CCNH: variants seen among roughly 807,000 people sequenced by gnomAD.
The protein encoded by CCNH is cyclin-H.
Under a neutral mutation model 41.9 loss-of-function variants are expected in CCNH, and 31 were observed. That is an observed-to-expected ratio of 0.74 (90% CI 0.56 to 1.00). CCNH has a LOEUF of 1.00. Ranked by LOEUF, CCNH falls within the 50% of genes least tolerant of loss-of-function variation. The pLI is 0.00. For synonymous variants in CCNH, 138 were observed against 136.1 expected (o/e 1.01, Z -0.10); for missense variants, 362 against 388.4 (o/e 0.93, Z 0.57).
At chr5:87,384,031 C>A (rs1390205292) in intron 9 of CCNH, among the ~76,000 whole-genome samples, 1 of 151,824 alleles carries the variant, frequency 6.6e-6, no homozygotes, top group Non-Finnish European at 1.5e-5. Flanking sequence ...TTTTTTCTAC[C>A]CCTATTTGTG....
chr5:87,387,774 A>G (rs1762163919), downstream of CCNH, among the ~76,000 whole-genome samples: 1 of 152,212 alleles, frequency 6.6e-6, no homozygotes. Flanking sequence ...ATTATGGCAT[A>G]GCTCCATATT....
At chr5:87,359,569 T>C (rs1759920242) in intron 9 of CCNH, among the ~76,000 whole-genome samples, 1 of 152,142 alleles carries the variant, frequency 6.6e-6, no homozygotes, top group Admixed American at 6.5e-5. Flanking sequence ...ATTAGTGTGG[T>C]TACATGTCTT....
At chr5:87,379,421 T>C (rs1489564808), upstream of CCNH, among the ~76,000 whole-genome samples, 8 of 152,214 alleles carry the variant, frequency 5.3e-5, no homozygotes, top group Non-Finnish European at 1.2e-4. Context: ...GCATTTGATA[T>C]TTTTATTAGC....
intron 9 of CCNH, among the ~76,000 whole-genome samples, chr5:87,327,910 A>T (rs1368871771): frequency 6.6e-6 from 1 of 151,850 alleles, no homozygotes; most frequent in East Asian, 1.9e-4. Flanking sequence ...GGTTGCAGTG[A>T]GCCATAAGAG....
chr5:87,376,272 A>C lies in CCNH; in HGVS notation n.909T>G, dbSNP rs1761321153. 5 of 1,163,838 alleles carry C rather than the reference A, an allele frequency of 4.3e-6. No homozygotes were observed. The Admixed American group carries it at 1.1e-4, about 24-fold the overall frequency. 72.1% of individuals were successfully genotyped at this position (1,163,838 alleles called of 1,614,324 possible). The stretch of plus-strand genomic sequence containing the variant: ...AATATTGAATTTGTGATGTTACTGA[A>C]AACTCCTTTAATGAAAAGCATTTAA... On this transcript the variant is annotated non_coding_transcript_exon_variant, in exon 1 of 1. Transcript: ENST00000607486.
Position 87,329,163 on chromosome 5 carries a change from G to T in CCNH, c.*91-10266C>A, listed in dbSNP as rs755697449. On this transcript the variant is annotated intron_variant and NMD_transcript_variant, in intron 9 of 9. Transcript: ENST00000645953. ...AGAAAGTACATAGATGTAAAAAATC[G>T]ACTCGGTGTGGTGGCTCACACCTGT... 1.2e-3 allele frequency among the ~76,000 whole-genome samples: 175 copies of T among 151,970 alleles called. 1 individual carries two copies. Among genetic ancestry groups the T allele is most frequent in the Non-Finnish European group, 1.5e-3 (100 of 67,992 alleles).
At chr5:87,374,272 A>T (rs1374522869), downstream of CCNH, 3 of 1,604,226 alleles carry the variant, frequency 1.9e-6, no homozygotes, top group Non-Finnish European at 2.6e-6. Context: ...GCAAAAACTC[A>T]TGCAAGGGAA....
chr5:87,322,354 C>T (rs1561280232), intron 9 of CCNH, among the ~76,000 whole-genome samples: 2 of 152,148 alleles, frequency 1.3e-5, no homozygotes, highest in Non-Finnish European at 2.9e-5. Flanking sequence ...GTGAACTCCT[C>T]ACGTGAGGGA....
chr5:87,336,371 GA>G lies in CCNH; in HGVS notation c.*91-17475del, dbSNP rs1161035496. On this transcript the variant is annotated intron_variant and NMD_transcript_variant, in intron 9 of 9. Coordinates refer to the CCNH transcript ENST00000645953. ...TAAAGAGGTCCTGGGAGACCAAAAAGAAAAAAAAAATAGCTGATCTAGGAAG... is the reference window on the plus strand; with the variant it reads ...TAAAGAGGTCCTGGGAGACCAAAAAGAAAAAAAAATAGCTGATCTAGGAAG... Among the ~76,000 whole-genome samples the G allele has an allele frequency of 8.3e-5, 12 of 144,250 alleles. 1 individual carries two copies. Among genetic ancestry groups the G allele is most frequent in the Non-Finnish European group, 9.2e-5 (6 of 65,386 alleles). 94.6% of individuals were successfully genotyped at this position (144,250 alleles called of 152,430 possible). A position where few individuals can be genotyped will look rare whatever the true frequency, so the allele number is the denominator to read the frequency against.
downstream of CCNH, chr5:87,392,151 T>A (rs777678908): frequency 1.9e-5 from 8 of 415,488 alleles, no homozygotes; most frequent in Non-Finnish European, 3.8e-5. Flanking sequence ...CGTGGCAGAA[T>A]GACATTGGTA....
chr5:87,377,888 G>C (rs2112494392), upstream of CCNH, among the ~76,000 whole-genome samples: 1 of 152,194 alleles, frequency 6.6e-6, no homozygotes, highest in African/African-American at 2.4e-5. Context: ...TAGATAAAAT[G>C]GTGGTCCTTA....
chr5:87,313,256 C>A, the CCNH span, among the ~76,000 whole-genome samples: 1 of 152,130 alleles, frequency 6.6e-6, no homozygotes, highest in Admixed American at 6.5e-5. Flanking sequence ...TTTAGCTAAT[C>A]TAATATCTTT....
chr5:87,366,583 T>C (rs1760535845), intron 9 of CCNH: 1 of 165,148 alleles, frequency 6.1e-6, no homozygotes, highest in East Asian at 1.5e-4. Flanking sequence ...AGCTTGCTTC[T>C]TGTACAGTTT....
At chr5:87,355,070 G>A (rs186828446) in intron 9 of CCNH, among the ~76,000 whole-genome samples, 9 of 152,234 alleles carry the variant, frequency 5.9e-5, no homozygotes, top group Admixed American at 4.6e-4. Flanking sequence ...AAAAGTGTAC[G>A]GTGAAGCAAA....
the CCNH span, among the ~76,000 whole-genome samples, chr5:87,312,632 C>T: frequency 2.0e-5 from 3 of 152,128 alleles, no homozygotes; most frequent in Non-Finnish European, 4.4e-5. Flanking sequence ...ATGAGATGAA[C>T]AACTAAACTA....
intron 5 of CCNH, among the ~76,000 whole-genome samples, chr5:87,403,803 C>T (rs1366216859): frequency 6.6e-6 from 1 of 152,034 alleles, no homozygotes; most frequent in Non-Finnish European, 1.5e-5. Flanking sequence ...ACCCAACCCC[C>T]ACAAAATTAA....
intron 9 of CCNH, chr5:87,385,433 G>A (rs994219526): frequency 7.1e-7 from 1 of 1,399,810 alleles, no homozygotes; most frequent in Non-Finnish European, 1.0e-6. Context: ...ATGAATGCAA[G>A]TTTGACATGA....
intron 9 of CCNH, among the ~76,000 whole-genome samples, chr5:87,322,608 A>G (rs939723658): frequency 6.6e-6 from 1 of 151,898 alleles, no homozygotes; most frequent in Non-Finnish European, 1.5e-5. Flanking sequence ...CATGAGTAAA[A>G]GCTTCCTGAG....
intron 9 of CCNH, among the ~76,000 whole-genome samples, chr5:87,351,678 C>T (rs1759289484): frequency 6.6e-6 from 1 of 151,622 alleles, no homozygotes; most frequent in Non-Finnish European, 1.5e-5. Context: ...TCTGGTTTAT[C>T]TCCCCTGACT....
Sources: gnomAD v4.1 joint callset for allele counts (sites outside exome capture counted in the v4.1 genomes callset) on GRCh38, gnomAD v4.1.1 for gene constraint, MANE v1.5 for transcripts, NCBI Gene and HGNC (gene_info 2026-07-23, HGNC 2026-07-21) for gene names.